The following KCNK9 variants were observed in gnomAD, a reference collection of about 807,000 sequenced individuals.
The protein encoded by KCNK9 is potassium channel subfamily K member 9.
KCNK9 carries 1 observed loss-of-function variant against 10.8 expected under a neutral mutation model. The ratio of observed to expected loss-of-function variants is 0.09; its 90% confidence interval spans 0.03 to 0.44. The LOEUF (loss-of-function observed/expected upper bound fraction) is 0.44. Among genes scored for constraint, KCNK9 ranks in the 20% least tolerant of loss-of-function variants. KCNK9 has a pLI of 0.97. For missense variants in KCNK9, 303 were observed against 515.0 expected (o/e 0.59, Z 3.98); for synonymous variants, 231 against 222.7 (o/e 1.04, Z -0.33).
chr8:139,656,249 G>A (rs1050530498), intron 1 of KCNK9, among the ~76,000 whole-genome samples: 1 of 152,134 alleles, frequency 6.6e-6, no homozygotes, highest in Admixed American at 6.5e-5. Context: ...GTACTAGGAA[G>A]AAAAAAATAT....
intron 1 of KCNK9, among the ~76,000 whole-genome samples, chr8:139,630,712 C>T (rs1228554821): frequency 6.6e-6 from 1 of 152,176 alleles, no homozygotes; most frequent in African/African-American, 2.4e-5. Context: ...AAGGCCTTCT[C>T]CTATGAAAGG....
rs1222244112 is a variant in KCNK9, at chr8:139,695,628, C to T, written c.283+7082G>A. Among the ~76,000 whole-genome samples, 3 of 152,106 alleles carry T rather than the reference C, an allele frequency of 2.0e-5. No homozygotes were observed. The East Asian group carries it at 5.8e-4, about 29-fold the overall frequency. ...GAAAGGGACCTCAGACTCCAGGCTC[C>T]TTCAGGCTGGCCATAGCAGGGTGCT... On this transcript the variant is annotated intron_variant, in intron 1 of 1. Transcript: ENST00000520439.
chr8:139,647,270 G>T (rs1270323816), intron 1 of KCNK9, among the ~76,000 whole-genome samples: 1 of 152,206 alleles, frequency 6.6e-6, no homozygotes, highest in Non-Finnish European at 1.5e-5. Flanking sequence ...GAGCCTGGGG[G>T]TGGTTGGTTG....
rs748211044 is a variant in KCNK9, at chr8:139,619,041, G to A, written c.342C>T (p.Ala114=). Residue 114 remains alanine (A), a synonymous_variant, in exon 2 of 2, where the codon GCC becomes GCT. Coordinates refer to ENST00000520439, the MANE Select transcript of KCNK9 (RefSeq NM_001282534.2). ...DAGKAFCMFY[A]VLGIPLTLVM... Reference sequence around the variant, plus strand: ...CCAGTGTCAGCGGGATGCCCAGCACGGCGTAGAACATGCAGAAGGCCTTGC... The same window carrying A: ...CCAGTGTCAGCGGGATGCCCAGCACAGCGTAGAACATGCAGAAGGCCTTGC... The A allele has an allele frequency of 9.9e-6, 16 of 1,614,076 alleles. No homozygotes were observed. The highest frequency in any genetic ancestry group is 8.3e-5 in the Admixed American group (5 of 60,008).
At chr8:139,609,246 A>ACCCCC (rs1220786453), downstream of KCNK9, among the ~76,000 whole-genome samples, 26 of 98,082 alleles carry the variant, frequency 2.7e-4, no homozygotes, top group Admixed American at 7.3e-4. Flanking sequence ...CTGCCCCCCC[A>ACCCCC]CCCCCCCCCC....
At chr8:139,696,082 TG>T (rs1817043847) in intron 1 of KCNK9, among the ~76,000 whole-genome samples, 1 of 152,080 alleles carries the variant, frequency 6.6e-6, no homozygotes, top group South Asian at 2.1e-4. Flanking sequence ...AGCAGCCCCT[TG>T]AAGAGAAGCC....
At chr8:139,694,486 G>A (rs1184350229) in intron 1 of KCNK9, among the ~76,000 whole-genome samples, 1 of 152,216 alleles carries the variant, frequency 6.6e-6, no homozygotes, top group South Asian at 2.1e-4. Context: ...GCCCTGCAGG[G>A]CACTGGCATC....
chr8:139,692,815 G>T (rs1261307764), intron 1 of KCNK9, among the ~76,000 whole-genome samples: 1 of 152,148 alleles, frequency 6.6e-6, no homozygotes, highest in South Asian at 2.1e-4. Flanking sequence ...GCACCCATGA[G>T]TGGCCTGGCA....
At chr8:139,670,259 T>C (rs1056495629) in intron 1 of KCNK9, among the ~76,000 whole-genome samples, 13 of 152,162 alleles carry the variant, frequency 8.5e-5, no homozygotes, top group African/African-American at 1.9e-4. Context: ...CCAAAGATCA[T>C]TGATCACCAT....
intron 1 of KCNK9, among the ~76,000 whole-genome samples, chr8:139,644,721 C>T (rs900563887): frequency 1.2e-4 from 18 of 150,544 alleles, no homozygotes; most frequent in African/African-American, 3.9e-4. Context: ...CCTGTCCCCC[C>T]CCCCCAGAGC....
intron 1 of KCNK9, among the ~76,000 whole-genome samples, chr8:139,630,412 TC>T: frequency 1.3e-5 from 2 of 152,018 alleles, no homozygotes; most frequent in Admixed American, 1.3e-4. Context: ...CGCCCCCACC[TC>T]CCCGGGGCCT....
intron 1 of KCNK9, among the ~76,000 whole-genome samples, chr8:139,662,270 C>T (rs1466694222): frequency 6.6e-6 from 1 of 152,112 alleles, no homozygotes; most frequent in Non-Finnish European, 1.5e-5. Flanking sequence ...CCTTCCTGCC[C>T]AGGGCTCTGC....
intron 1 of KCNK9, among the ~76,000 whole-genome samples, chr8:139,625,797 C>T (rs1052371644): frequency 6.6e-6 from 1 of 151,630 alleles, no homozygotes; most frequent in Non-Finnish European, 1.5e-5. Flanking sequence ...GAAAATAAAA[C>T]TAATCATTTC....
intron 1 of KCNK9, among the ~76,000 whole-genome samples, chr8:139,671,354 C>A (rs936655607): frequency 6.6e-6 from 1 of 152,136 alleles, no homozygotes; most frequent in Non-Finnish European, 1.5e-5. Context: ...GTACTGTGTT[C>A]GCAGTGGAAG....
intron 1 of KCNK9, among the ~76,000 whole-genome samples, chr8:139,663,682 T>TGTGTGTGTGTGTGTGTGTGTG (rs1554624294): frequency 4.1e-5 from 6 of 145,744 alleles, no homozygotes; most frequent in African/African-American, 1.0e-4. Flanking sequence ...TGTGTGTGTG[T>TGTGTGTGTGTGTGTGTGTGTG]TAGAGAGAGA....
intron 1 of KCNK9, among the ~76,000 whole-genome samples, chr8:139,625,002 A>C (rs1249257428): frequency 6.6e-6 from 1 of 152,116 alleles, no homozygotes; most frequent in African/African-American, 2.4e-5. Flanking sequence ...CATCTGTGAA[A>C]TGGGGCAGAT....
chr8:139,605,656 G>GA (rs1311849603), intron 2 of KCNK9, among the ~76,000 whole-genome samples: 1 of 152,034 alleles, frequency 6.6e-6, no homozygotes, highest in African/African-American at 2.4e-5. Flanking sequence ...GATTTTAATG[G>GA]AAAAAAATTA....
chr8:139,660,461 T>G, intron 1 of KCNK9, among the ~76,000 whole-genome samples: 1 of 148,272 alleles, frequency 6.7e-6, no homozygotes, highest in East Asian at 2.0e-4. Context: ...TATATATATA[T>G]ATATATATAT....
At chr8:139,611,096 A>G (rs1046752821), downstream of KCNK9, among the ~76,000 whole-genome samples, 1 of 152,164 alleles carries the variant, frequency 6.6e-6, no homozygotes, top group Non-Finnish European at 1.5e-5. Context: ...TTTTCTCCAT[A>G]GTTTGATTTC....
Sources: allele counts gnomAD v4.1 joint callset (sites outside exome capture counted in the v4.1 genomes callset), GRCh38; gene constraint gnomAD v4.1.1; transcripts MANE v1.5; gene names NCBI Gene and HGNC (gene_info 2026-07-23, HGNC 2026-07-21).